The following GPR75 variants were observed in gnomAD, a reference collection of about 807,000 sequenced individuals.
GPR75 encodes the protein probable G protein-coupled receptor 75.
Under a neutral mutation model 26.0 loss-of-function variants are expected in GPR75, and 27 were observed. The observed-to-expected ratio is 1.04, with a 90% CI of 0.77 to 1.43. The LOEUF (loss-of-function observed/expected upper bound fraction) is 1.43, where lower values mean the gene tolerates loss of function less well. GPR75 is among the 40% of genes most tolerant of loss of function. The probability of loss-of-function intolerance (pLI) is 0.00; values close to 1 mark genes in which losing one functional copy is unlikely to be tolerated. For synonymous variants in GPR75, 285 were observed against 256.3 expected (o/e 1.11, Z -1.07); for missense variants, 699 against 662.3 (o/e 1.06, Z -0.61).
intron 1 of GPR75, among the ~76,000 whole-genome samples, chr2:53,857,355 T>C (rs148212843): frequency 6.6e-6 from 1 of 151,996 alleles, no homozygotes; most frequent in Non-Finnish European, 1.5e-5. Context: ...AGAAAACAAT[T>C]TGAGGAGGCA....
Position 53,854,542 on chromosome 2 carries a change from A to T in GPR75, c.215T>A (p.Phe72Tyr). The T allele has an allele frequency of 6.2e-7, 1 of 1,614,122 alleles. No individual in the cohort carries two copies. The highest frequency in any genetic ancestry group is 8.5e-7 in the Non-Finnish European group (1 of 1,179,972). ...ATCAAAGTTGGTTCTGAATTTCCTG[A>T]AGGCTGGATCGAAGAAGGACAAGAA... ...IVFLSFFDPA[F>Y]RKFRTNFDFM... is the part of the protein sequence containing the mutation. Residue 72 changes from phenylalanine (F) to tyrosine (Y), a missense_variant, in exon 2 of 2, where the codon TTC becomes TAC. Transcript: ENST00000394705.
chr2:53,854,055 T>C lies in GPR75; in HGVS notation c.702A>G (p.Gln234=), dbSNP rs1361615149. The C allele has an allele frequency of 1.2e-6, 2 of 1,614,092 alleles. No individual in the cohort carries two copies. The highest frequency in any genetic ancestry group is 1.7e-6 in the Non-Finnish European group (2 of 1,180,042). Residue 234 remains glutamine (Q), a synonymous_variant, in exon 2 of 2, where the codon CAA becomes CAG. Coordinates refer to ENST00000394705, the MANE Select transcript of GPR75 (RefSeq NM_006794.4). ...TGATTACAGGGGGGCACTTTCTGAC[T>C]TGAGCGTTCTTCCGCAGGGTCTGAG... ...MIAQTLRKNA[Q]VRKCPPVITV...
At chr2:53,859,309 A>C (rs895603805) in intron 1 of GPR75, among the ~76,000 whole-genome samples, 2 of 152,030 alleles carry the variant, frequency 1.3e-5, no homozygotes, top group African/African-American at 4.8e-5. Context: ...TCATTATCTG[A>C]TTTCAAAGCC....
chr2:53,856,966 T>TTTTTTTTTTTC (rs1553399612), intron 1 of GPR75, among the ~76,000 whole-genome samples: 2 of 127,766 alleles, frequency 1.6e-5, no homozygotes, highest in Non-Finnish European at 3.3e-5. Context: ...TTTTTTTTTT[T>TTTTTTTTTTTC]TTTTTTTTGA....
rs1216304332 is a variant in GPR75, at chr2:53,854,829, A to C, written c.-73T>G. 2 of 1,196,908 alleles carry C rather than the reference A, an allele frequency of 1.7e-6. No individual in the cohort carries two copies. Among genetic ancestry groups the C allele is most frequent in the Middle Eastern group, 2.1e-4 (1 of 4,670 alleles). 74.1% of individuals were successfully genotyped at this position (1,196,908 alleles called of 1,614,324 possible). ...GAGTCAGGGCCTCAGCTCACAGATG[A>C]GCAATATGTGACAAAAGAGGCCCAA... On this transcript the variant is annotated 5_prime_UTR_variant, in exon 2 of 2. Coordinates refer to ENST00000394705, the MANE Select transcript of GPR75 (RefSeq NM_006794.4).
intron 1 of GPR75, among the ~76,000 whole-genome samples, chr2:53,856,884 T>C (rs1421714797): frequency 1.3e-5 from 2 of 151,268 alleles, no homozygotes; most frequent in Non-Finnish European, 3.0e-5. Flanking sequence ...TAGCTCTATT[T>C]CCACTTAAAG....
At position 53,853,881 on chromosome 2, in the gene GPR75, G is replaced by A; in HGVS notation, c.876C>T (p.Pro292=). Residue 292 remains proline (P), a synonymous_variant, in exon 2 of 2, where the codon CCC becomes CCT. Transcript: ENST00000394705. ...HVQTRGYTKS[P]NQLVTPAASR... ...TTGCTGCAGGGGTGACCAGTTGGTT[G>A]GGACTCTTGGTATATCCACGGGTCT... 6.2e-7 allele frequency: 1 copy of A among 1,614,032 alleles called. No individual in the cohort carries two copies. The highest frequency in any genetic ancestry group is 8.5e-7 in the Non-Finnish European group (1 of 1,179,992).
In GPR75 at chr2:53,854,043, G is replaced by C. The variant is rs1167408554; in HGVS notation, c.714C>G (p.Cys238Trp). 2 of 1,614,202 alleles carry C rather than the reference G, an allele frequency of 1.2e-6. No individual in the cohort carries two copies. The highest frequency in any genetic ancestry group is 2.2e-5 in the South Asian group (2 of 91,086). Reference sequence around the variant, plus strand: ...AAGCATCGACTGTGATTACAGGGGGGCACTTTCTGACTTGAGCGTTCTTCC... The same window carrying C: ...AAGCATCGACTGTGATTACAGGGGGCCACTTTCTGACTTGAGCGTTCTTCC... The part of the protein sequence containing the change: ...TLRKNAQVRK[C>W]PPVITVDASR... The change falls in exon 2 of 2, where the codon TGC becomes TGG. Residue 238 changes from cysteine to tryptophan, a missense_variant. Physicochemically the swap from Cys to Trp is radical, Grantham distance 215. Coordinates refer to ENST00000394705, the MANE Select transcript of GPR75 (RefSeq NM_006794.4).
chr2:53,855,800 G>T (rs1183768530), intron 1 of GPR75, among the ~76,000 whole-genome samples: 1 of 152,124 alleles, frequency 6.6e-6, no homozygotes, highest in Non-Finnish European at 1.5e-5. Flanking sequence ...TCCCTATGAA[G>T]AATCCTTTAT....
chr2:53,856,946 ATTTTTTTTTTTTTTT>A (rs10665107), intron 1 of GPR75, among the ~76,000 whole-genome samples: 1 of 78,928 alleles, frequency 1.3e-5, no homozygotes, highest in Non-Finnish European at 2.2e-5. Flanking sequence ...GAGAAAGACA[ATTTTTTTTTTTTTTT>A]TTTTTTTTTT....
In GPR75 at chr2:53,854,409, A is replaced by G. The variant is rs779303305; in HGVS notation, c.348T>C (p.Ala116=). ...FFSSASSIPD[A]FCFTFHLTSS... ...TGGTGAGATGGAAAGTGAAGCAGAA[A>G]GCATCCGGGATACTACTGGCTGAGC... Residue 116 remains alanine (A), a synonymous_variant, in exon 2 of 2, where the codon GCT becomes GCC. Coordinates refer to ENST00000394705, the MANE Select transcript of GPR75 (RefSeq NM_006794.4). The G allele has an allele frequency of 1.2e-6, 2 of 1,614,130 alleles. No homozygotes were observed. Among genetic ancestry groups the G allele is most frequent in the East Asian group, 4.5e-5 (2 of 44,882 alleles).
Position 53,853,074 on chromosome 2 carries a change from A to G in GPR75, c.*60T>C, listed in dbSNP as rs775621172. ...TCCGCCACTGATCTCAAGTTAGAAT[A>G]AAGTCCATTACTATCAGAAACAAAA... On this transcript the variant is annotated 3_prime_UTR_variant, in exon 2 of 2. Coordinates refer to ENST00000394705, the MANE Select transcript of GPR75 (RefSeq NM_006794.4). 5.7e-6 allele frequency: 7 copies of G among 1,231,040 alleles called. No homozygotes were observed. The highest frequency in any genetic ancestry group is 8.1e-6 in the Non-Finnish European group (7 of 868,350). 76.3% of individuals were successfully genotyped at this position (1,231,040 alleles called of 1,614,324 possible).
Position 53,853,662 on chromosome 2 carries a change from T to C in GPR75, c.1095A>G (p.Ile365Met). The change falls in exon 2 of 2, where the codon ATA (isoleucine) becomes ATG (methionine). Residue 365 changes from isoleucine to methionine, a missense_variant. Transcript: ENST00000394705. ...AAGGGTTTAATCCTGACTTGAAAAA[T>C]ATAAGAGTAAATCCAAACAATTCAA... ...YQFELFGFTL[I>M]FFKSGLNPFI... is the part of the protein sequence containing the mutation. The C allele has an allele frequency of 6.2e-7, 1 of 1,613,882 alleles. No individual in the cohort carries two copies. Among genetic ancestry groups the C allele is most frequent in the Non-Finnish European group, 8.5e-7 (1 of 1,179,882 alleles).
At position 53,854,196 on chromosome 2, in the gene GPR75, G is replaced by A. The variant is rs781737649; in HGVS notation, c.561C>T (p.His187=). The A allele has an allele frequency of 5.6e-6, 9 of 1,614,042 alleles. No individual in the cohort carries two copies. The highest frequency in any genetic ancestry group is 7.6e-6 in the Non-Finnish European group (9 of 1,180,032). The change falls in exon 2 of 2, where the codon CAC becomes CAT. Residue 187 remains histidine (H), a synonymous_variant. Coordinates refer to ENST00000394705, the MANE Select transcript of GPR75 (RefSeq NM_006794.4). ...TCAGACTGGACATGGGAAGACAGAGGTGGGACTTGCTGGTTTTCAAGGTAG... is the reference window on the plus strand; with the variant it reads ...TCAGACTGGACATGGGAAGACAGAGATGGGACTTGCTGGTTTTCAAGGTAG... The part of the protein sequence containing the change: ...TLATLKTSKS[H]LCLPMSSLIA...
In GPR75 at chr2:53,854,676, G is replaced by A; in HGVS notation, c.81C>T (p.Thr27=). 6.2e-7 allele frequency: 1 copy of A among 1,614,074 alleles called. No individual in the cohort carries two copies. Among genetic ancestry groups the A allele is most frequent in the South Asian group, 1.1e-5 (1 of 91,082 alleles). The change falls in exon 2 of 2, where the codon ACC becomes ACT. Residue 27 remains threonine, a synonymous_variant. Transcript: ENST00000394705. ...HVPHSQEGNS[T]SLQEGLQDLI... is the part of the protein sequence containing the mutation. ...GATCCTGAAGACCCTCCTGGAGAGA[G>A]GTGCTGTTTCCTTCCTGTGAGTGAG...
chr2:53,853,202 T>C lies in GPR75; in HGVS notation c.1555A>G (p.Thr519Ala). 1 of 1,613,276 alleles carries C rather than the reference T, an allele frequency of 6.2e-7. No individual in the cohort carries two copies. Among genetic ancestry groups the C allele is most frequent in the Non-Finnish European group, 8.5e-7 (1 of 1,179,222 alleles). The change falls in exon 2 of 2, where the codon ACC (threonine) becomes GCC (alanine). Residue 519 changes from threonine to alanine, a missense_variant. Transcript: ENST00000394705. ...ANSYIAMHYH[T>A]TNDLVQEYDS... ...TATTCCTGCACTAAGTCATTAGTGG[T>C]GTGATAATGCATGGCAATATATGAA... is the stretch of plus-strand genomic sequence containing the variant.
chr2:53,857,154 A>G (rs990737325), intron 1 of GPR75, among the ~76,000 whole-genome samples: 2 of 149,016 alleles, frequency 1.3e-5, no homozygotes, highest in African/African-American at 5.0e-5. Context: ...TTTTTAGTAG[A>G]GACGGGGTTT....
chr2:53,854,007 C>T lies in GPR75; in HGVS notation c.750G>A (p.Gln250=). 3 of 1,614,186 alleles carry T rather than the reference C, an allele frequency of 1.9e-6. No individual in the cohort carries two copies. Among genetic ancestry groups the T allele is most frequent in the Middle Eastern group, 1.6e-4 (1 of 6,062 alleles). The change falls in exon 2 of 2, where the codon CAG becomes CAA. Residue 250 remains glutamine, a synonymous_variant. Transcript: ENST00000394705. ...PVITVDASRP[Q]PFMGVPVQGG... is the part of the protein sequence containing the mutation. ...CCTGCACAGGGACCCCCATGAAAGG[C>T]TGTGGTCTGGAAGCATCGACTGTGA...
At chr2:53,856,567 T>A (rs3770389) in intron 1 of GPR75, among the ~76,000 whole-genome samples, 14,284 of 152,234 alleles carry the variant, frequency 0.094, 779 homozygotes, top group East Asian at 0.25. Flanking sequence ...AATTAGCAGC[T>A]ATGGACTACC....
Sources: allele counts gnomAD v4.1 joint callset (sites outside exome capture counted in the v4.1 genomes callset), GRCh38; gene constraint gnomAD v4.1.1; transcripts MANE v1.5; gene names NCBI Gene and HGNC (gene_info 2026-07-23, HGNC 2026-07-21).